The following SLC14A2 variants were observed in gnomAD, a reference collection of about 807,000 sequenced individuals.
SLC14A2 encodes urea transporter 2.
In SLC14A2, 91 loss-of-function variants were observed where a neutral mutation model predicts 104.6. The ratio of observed to expected loss-of-function variants is 0.87; its 90% CI spans 0.73 to 1.04. The LOEUF (loss-of-function observed/expected upper bound fraction) is 1.04, where lower values mean the gene tolerates loss of function less well. Among genes scored for constraint, SLC14A2 ranks in the 50% least tolerant of loss-of-function variants. The probability of loss-of-function intolerance (pLI) is 0.00; values close to 1 mark genes in which losing one functional copy is unlikely to be tolerated. For missense variants in SLC14A2, 1,189 were observed against 1,156.0 expected, an observed-to-expected ratio of 1.03 and a Z score of -0.41; for synonymous variants, 476 against 466.4, an observed-to-expected ratio of 1.02 and a Z score of -0.27.
At chr18:45,654,890 A>T (rs2045806584) in intron 10 of SLC14A2, among the ~76,000 whole-genome samples, 4 of 152,142 alleles carry the variant, frequency 2.6e-5, no homozygotes, top group Non-Finnish European at 5.9e-5. Context: ...CAGCTGTGAC[A>T]TCAGTTTGGT....
At chr18:45,258,288 G>A (rs1222731799) in intron 1 of SLC14A2, among the ~76,000 whole-genome samples, 1 of 141,986 alleles carries the variant, frequency 7.0e-6, no homozygotes, top group Non-Finnish European at 1.5e-5. Flanking sequence ...AGGACATAGT[G>A]CCCAGGAGCC....
intron 1 of SLC14A2, among the ~76,000 whole-genome samples, chr18:45,403,204 T>A (rs905225004): frequency 1.3e-5 from 2 of 152,264 alleles, no homozygotes; most frequent in African/African-American, 4.8e-5. Flanking sequence ...GAGAGATAGA[T>A]CTTTGGTGGC....
intron 1 of SLC14A2, among the ~76,000 whole-genome samples, chr18:45,233,337 G>A (rs1263195155): frequency 6.6e-6 from 1 of 152,100 alleles, no homozygotes; most frequent in Non-Finnish European, 1.5e-5. Context: ...AATGTTACTT[G>A]TTCAAGATAA....
rs561228975 is a variant in SLC14A2, at chr18:45,351,489, G to A, written c.-124-131744G>A. Among the ~76,000 whole-genome samples, 6 of 152,098 alleles carry A rather than the reference G, an allele frequency of 3.9e-5. No homozygotes were observed. In the East Asian group the frequency reaches 5.8e-4, roughly 15 times the overall value. ...CCTGCCTGAGCCCCCCAAGTAGCTG[G>A]GACTACAGGCATGTACCACCACACC... On this transcript the variant is annotated intron_variant, in intron 1 of 20. Transcript: ENST00000586448.
At chr18:45,355,206 C>T (rs2085540659) in intron 1 of SLC14A2, among the ~76,000 whole-genome samples, 1 of 152,180 alleles carries the variant, frequency 6.6e-6, no homozygotes, top group East Asian at 1.9e-4. Context: ...TGCACGGGGC[C>T]TGGCACATAG....
intron 2 of SLC14A2, among the ~76,000 whole-genome samples, chr18:45,533,683 T>C (rs543452585): frequency 6.6e-6 from 1 of 152,348 alleles, no homozygotes; most frequent in Admixed American, 6.5e-5. Context: ...AAGGGTTTTT[T>C]GTGTCTCTAT....
At chr18:45,244,402 G>A (rs968531605) in intron 1 of SLC14A2, among the ~76,000 whole-genome samples, 8 of 152,096 alleles carry the variant, frequency 5.3e-5, no homozygotes, top group Non-Finnish European at 7.3e-5. Context: ...CAAGGCGGGC[G>A]GATCACGTGA....
At chr18:45,319,449 G>T (rs182696018) in intron 1 of SLC14A2, among the ~76,000 whole-genome samples, 124 of 152,240 alleles carry the variant, frequency 8.1e-4, no homozygotes, top group African/African-American at 2.8e-3. Flanking sequence ...CTGTACCCTC[G>T]CATTACACTA....
intron 1 of SLC14A2, among the ~76,000 whole-genome samples, chr18:45,617,872 G>A (rs1263536011): frequency 1.3e-5 from 2 of 152,154 alleles, no homozygotes; most frequent in Admixed American, 6.5e-5. Context: ...AGATCCTGGT[G>A]GCAAGATGGC....
chr18:45,581,497 C>G (rs1441041578), intron 2 of SLC14A2, among the ~76,000 whole-genome samples: 4 of 152,152 alleles, frequency 2.6e-5, no homozygotes. Flanking sequence ...AGAAGAGAAA[C>G]TCACCACACC....
chr18:45,653,989 C>A (rs927960347), intron 10 of SLC14A2, among the ~76,000 whole-genome samples: 7 of 152,274 alleles, frequency 4.6e-5, no homozygotes, highest in Middle Eastern at 3.4e-3. Flanking sequence ...TGGGAGGTAA[C>A]CTGTGGGACA....
chr18:45,572,185 T>C (rs761230982), intron 2 of SLC14A2, among the ~76,000 whole-genome samples: 9 of 152,224 alleles, frequency 5.9e-5, no homozygotes, highest in Non-Finnish European at 1.0e-4. Context: ...TTAACACATA[T>C]GCATTTAGAC....
intron 2 of SLC14A2, among the ~76,000 whole-genome samples, chr18:45,496,393 G>T (rs117241639): frequency 6.6e-6 from 1 of 152,064 alleles, no homozygotes; most frequent in African/African-American, 2.4e-5. Context: ...TCAGTGGACC[G>T]GGAGAGGAAG....
At chr18:45,357,235 C>CA in intron 1 of SLC14A2, among the ~76,000 whole-genome samples, 1 of 118,828 alleles carries the variant, frequency 8.4e-6, no homozygotes, top group Admixed American at 8.1e-5. Flanking sequence ...CCTTGGGACA[C>CA]AATTTTTTTT....
intron 2 of SLC14A2, among the ~76,000 whole-genome samples, chr18:45,605,391 A>G (rs1391548983): frequency 6.6e-6 from 1 of 152,056 alleles, no homozygotes; most frequent in Non-Finnish European, 1.5e-5. Context: ...CCCTCTGGAG[A>G]AGAGGGTGAA....
chr18:45,309,778 A>G lies in SLC14A2; in HGVS notation c.-125+96587A>G, dbSNP rs557596703. 4.3e-4 allele frequency among the ~76,000 whole-genome samples: 65 copies of G among 152,320 alleles called. 1 individual carries two copies. In the South Asian group the frequency reaches 0.013, roughly 31 times the overall value. The stretch of plus-strand genomic sequence containing the variant: ...AGGAACATTTTTGTAGCCACTACCC[A>G]ACTTCAGAAATAAAACATTACAGAT... On this transcript the variant is annotated intron_variant, in intron 1 of 20. Transcript: ENST00000586448.
At chr18:45,576,372 C>T (rs1036920475) in intron 2 of SLC14A2, among the ~76,000 whole-genome samples, 10 of 151,246 alleles carry the variant, frequency 6.6e-5, no homozygotes, top group African/African-American at 2.4e-4. Context: ...TAACCTCCGC[C>T]TCCCAGGTTT....
intron 11 of SLC14A2, among the ~76,000 whole-genome samples, chr18:45,665,569 G>A (rs1458018989): frequency 6.6e-6 from 1 of 151,906 alleles, no homozygotes; most frequent in Non-Finnish European, 1.5e-5. Context: ...AACAGCCTGA[G>A]GTCATCCAGG....
chr18:45,516,416 C>T (rs578072724), intron 2 of SLC14A2, among the ~76,000 whole-genome samples: 106 of 152,206 alleles, frequency 7.0e-4, no homozygotes, highest in Non-Finnish European at 1.3e-3. Context: ...TTTCTCTGGC[C>T]TTCAGCTTTC....
Sources: gnomAD v4.1 joint callset for allele counts (sites outside exome capture counted in the v4.1 genomes callset) on GRCh38, gnomAD v4.1.1 for gene constraint, MANE v1.5 for transcripts, NCBI Gene and HGNC (gene_info 2026-07-23, HGNC 2026-07-21) for gene names.